The following ZNF853 variants were observed in gnomAD, a reference collection of about 807,000 sequenced individuals.
ZNF853 encodes zinc finger protein 853.
A neutral mutation model predicts 94.7 loss-of-function variants in ZNF853; 57 were observed. The observed-to-expected ratio is 0.60, with a 90% CI of 0.49 to 0.75. ZNF853 has a LOEUF of 0.75. Among genes scored for constraint, ZNF853 ranks in the 30% least tolerant of loss-of-function variants. The pLI is 0.00. For missense variants in ZNF853, 785 were observed against 868.9 expected, an observed-to-expected ratio of 0.90 and a Z score of 1.21; for synonymous variants, 448 against 406.3, an observed-to-expected ratio of 1.10 and a Z score of -1.23.
In ZNF853 at chr7:6,615,952, C is replaced by T. The variant is rs972437701; in HGVS notation, c.-223C>T. 2.2e-5 allele frequency: 10 copies of T among 451,636 alleles called. No homozygotes were observed. The Admixed American group carries it at 2.5e-4, about 11-fold the overall frequency. 28.0% of individuals were successfully genotyped at this position (451,636 alleles called of 1,614,324 possible). A position where few individuals can be genotyped will look rare whatever the true frequency, so the allele number is the denominator to read the frequency against. On this transcript the variant is annotated 5_prime_UTR_variant, in exon 1 of 3. Coordinates refer to ENST00000457543, the MANE Select transcript of ZNF853 (RefSeq NM_017560.3). This position sits in a 1 kb window ranked among gnomAD's most constrained non-coding sequence, Gnocchi z 8.5. ...CGGAGAGTCTCCACCAACTTCTGCTCGGCCGCTCCTCTCAGCCCCTTCCCT... is the reference window on the plus strand; with the variant it reads ...CGGAGAGTCTCCACCAACTTCTGCTTGGCCGCTCCTCTCAGCCCCTTCCCT...
intron 2 of ZNF853, among the ~76,000 whole-genome samples, chr7:6,619,561 C>T: frequency 3.3e-4 from 50 of 152,182 alleles, no homozygotes; most frequent in African/African-American, 1.1e-3. Flanking sequence ...TGAGCCACCG[C>T]GCCCGGCCAT....
chr7:6,622,084 C>T lies in ZNF853; in HGVS notation c.1093C>T (p.Leu365=), dbSNP rs755154641. The part of the protein sequence containing the change: ...RQLQLKLQEE[L]QQLEQQLEQQ... ...GCTGCAGCTCAAACTGCAGGAGGAG[C>T]TGCAGCAGCTGGAGCAACAGCTGGA... is the stretch of plus-strand genomic sequence containing the variant. The change falls in exon 3 of 3, where the codon CTG becomes TTG. Residue 365 remains leucine, a synonymous_variant. Coordinates refer to ENST00000457543, the MANE Select transcript of ZNF853 (RefSeq NM_017560.3). 1 of 1,546,712 alleles carries T rather than the reference C, an allele frequency of 6.5e-7. No individual in the cohort carries two copies. The highest frequency in any genetic ancestry group is 1.2e-5 in the South Asian group (1 of 83,952).
intron 2 of ZNF853, among the ~76,000 whole-genome samples, chr7:6,620,238 T>C: frequency 6.6e-6 from 1 of 152,228 alleles, no homozygotes; most frequent in Non-Finnish European, 1.5e-5. Context: ...TTTGGGAAAC[T>C]ACTTGTGGTA....
Position 6,616,488 on chromosome 7 carries a change from C to T in ZNF853, c.12+302C>T. 1.6e-4 allele frequency among the ~76,000 whole-genome samples: 25 copies of T among 152,294 alleles called. 1 individual carries two copies. The highest frequency in any genetic ancestry group is 1.6e-3 in the Admixed American group (24 of 15,298). ...GGCGCAGTGGCTCACTCCTATAATC[C>T]CAACACTTTAGGAGGCCGAGGCAGG... On this transcript the variant is annotated intron_variant, in intron 1 of 2. Transcript: ENST00000457543.
intron 2 of ZNF853, among the ~76,000 whole-genome samples, chr7:6,620,819 G>C: frequency 1.3e-5 from 2 of 152,170 alleles, no homozygotes; most frequent in Non-Finnish European, 2.9e-5. Flanking sequence ...TCGCCATGTT[G>C]CCCAGGCTGG....
In ZNF853 at chr7:6,621,761, A is replaced by T; in HGVS notation, c.770A>T (p.Gln257Leu). ...QGQLQQQLLQ[Q>L]QQAQLQQQLL... ...CAGTTACAGCAGCAACTGTTGCAGC[A>T]GCAGCAGGCACAGTTACAACAGCAG... The change falls in exon 3 of 3, where the codon CAG becomes CTG. Residue 257 changes from glutamine (Q) to leucine (L), a missense_variant. Physicochemically the swap from Gln to Leu is moderately radical, Grantham distance 113 (BLOSUM62 -2). Transcript: ENST00000457543. 6.4e-7 allele frequency: 1 copy of T among 1,550,594 alleles called. No homozygotes were observed. Among genetic ancestry groups the T allele is most frequent in the Non-Finnish European group, 8.7e-7 (1 of 1,146,898 alleles).
Position 6,622,178 on chromosome 7 carries a change from A to G in ZNF853, c.1187A>G (p.Gln396Arg). ...LELTPVELGA[Q>R]QQEVQLELTP... ...CTGACCCCGGTGGAGCTAGGCGCCCAGCAGCAGGAGGTGCAGCTGGAGCTG... is the reference window on the plus strand; with the variant it reads ...CTGACCCCGGTGGAGCTAGGCGCCCGGCAGCAGGAGGTGCAGCTGGAGCTG... Residue 396 changes from glutamine to arginine, a missense_variant, in exon 3 of 3, where the codon CAG becomes CGG. Gln to Arg is a conservative substitution (Grantham distance 43). Transcript: ENST00000457543. The G allele has an allele frequency of 6.5e-7, 1 of 1,541,034 alleles. No individual in the cohort carries two copies. The highest frequency in any genetic ancestry group is 8.7e-7 in the Non-Finnish European group (1 of 1,146,600).
chr7:6,619,863 A>G, intron 2 of ZNF853, among the ~76,000 whole-genome samples: 1 of 151,784 alleles, frequency 6.6e-6, no homozygotes, highest in Non-Finnish European at 1.5e-5. Flanking sequence ...AGGGCCTCCC[A>G]GGTTTATGCC....
At position 6,617,299 on chromosome 7, in the gene ZNF853, C is replaced by T. The variant is rs1204372907; in HGVS notation, c.122C>T (p.Thr41Ile). The T allele has an allele frequency of 1.3e-6, 2 of 1,483,186 alleles. No homozygotes were observed. Among genetic ancestry groups the T allele is most frequent in the Non-Finnish European group, 1.8e-6 (2 of 1,109,932 alleles). 91.9% of individuals were successfully genotyped at this position (1,483,186 alleles called of 1,614,324 possible). Residue 41 changes from threonine to isoleucine, a missense_variant, in exon 2 of 3, where the codon ACC becomes ATC. Thr to Ile is a moderately conservative substitution (Grantham distance 89). Coordinates refer to ENST00000457543, the MANE Select transcript of ZNF853 (RefSeq NM_017560.3). ...GAGGATGGGGGCCCAGGGCCTGACA[C>T]CCTCTCAGGTGAGGGCCTCGGGGGA... ...CLEDGGPGPD[T>I]LSGGSGGSES...
rs1562570477 is a variant in ZNF853, at chr7:6,622,271, CG to C, written c.1285del (p.Ala429LeufsTer41). 9 of 1,505,096 alleles carry C rather than the reference CG, an allele frequency of 6.0e-6. No homozygotes were observed. Among genetic ancestry groups the C allele is most frequent in the Non-Finnish European group, 8.8e-7 (1 of 1,133,118 alleles). The allele number at this position is 1,505,096 out of a possible 1,614,324, so 93.2% of individuals were successfully genotyped here. A position where few individuals can be genotyped will look rare whatever the true frequency, so the allele number is the denominator to read the frequency against. On this transcript the variant is annotated frameshift_variant, in exon 3 of 3. Transcript: ENST00000457543. LOFTEE classifies it high-confidence loss of function. ...GCAGGGGGCGGCGGAGCGGCGGTCC[CG>C]GGGGCTCCGGCCGCGGTCGTGGTGG... The part of the protein sequence containing the change: ...PAAGGGGAAV[P>X]GAPAAVVVAP...
At chr7:6,616,650 G>A in intron 1 of ZNF853, among the ~76,000 whole-genome samples, 2 of 151,918 alleles carry the variant, frequency 1.3e-5, no homozygotes, top group East Asian at 1.9e-4. Flanking sequence ...CAGGAGAATC[G>A]CTTGAACTGG....
rs1034080989 is a variant in ZNF853, at chr7:6,615,620, C to G, written c.-555C>G. On this transcript the variant is annotated 5_prime_UTR_variant, in exon 1 of 3. Coordinates refer to ENST00000457543, the MANE Select transcript of ZNF853 (RefSeq NM_017560.3). This position sits in a 1 kb window ranked among gnomAD's most constrained non-coding sequence, Gnocchi z 8.5. ...GGCCCCCGCGCCCCCGCCCCCGGCCCGGCCAGCGGCCCGCACGGACGCACT... is the reference window on the plus strand; with the variant it reads ...GGCCCCCGCGCCCCCGCCCCCGGCCGGGCCAGCGGCCCGCACGGACGCACT... 1 of 145,442 alleles carries G rather than the reference C, an allele frequency of 6.9e-6. No individual in the cohort carries two copies. The highest frequency in any genetic ancestry group is 2.0e-4 in the South Asian group (1 of 5,032). The allele number at this position is 145,442 out of a possible 1,614,324, so 9.0% of individuals were successfully genotyped here. A position where few individuals can be genotyped will look rare whatever the true frequency, so the allele number is the denominator to read the frequency against.
intron 2 of ZNF853, 105 bp from the exon 3 acceptor site, chr7:6,621,017 T>G: frequency 7.3e-7 from 1 of 1,360,916 alleles, no homozygotes; most frequent in Non-Finnish European, 9.7e-7. Context: ...GCTAAGAGCG[T>G]GTTAGTGTAT....
At chr7:6,617,942 G>A in intron 2 of ZNF853, among the ~76,000 whole-genome samples, 7 of 152,090 alleles carry the variant, frequency 4.6e-5, no homozygotes, top group South Asian at 2.1e-4. Context: ...GGGGCAGGGC[G>A]GGACAGAGCT....
chr7:6,621,012 G>A, intron 2 of ZNF853, 110 bp from the exon 3 acceptor site: 2 of 1,347,414 alleles, frequency 1.5e-6, no homozygotes. Flanking sequence ...CTCCTGCTAA[G>A]AGCGTGTTAG....
In ZNF853 at chr7:6,622,545, C is replaced by T. The variant is rs769375674; in HGVS notation, c.1554C>T (p.Cys518=). ...TGERPHRCGE[C]GKGFSQHSNL... ...AGCGGCCACACCGCTGCGGCGAGTG[C>T]GGCAAGGGCTTCTCGCAGCACTCGA... The change falls in exon 3 of 3, where the codon TGC becomes TGT. Residue 518 remains cysteine (C), a synonymous_variant. Coordinates refer to ENST00000457543, the MANE Select transcript of ZNF853 (RefSeq NM_017560.3). 7.6e-5 allele frequency: 118 copies of T among 1,552,206 alleles called. No individual in the cohort carries two copies. The highest frequency in any genetic ancestry group is 9.8e-5 in the Non-Finnish European group (112 of 1,148,656).
chr7:6,617,391 C>CACAG, intron 2 of ZNF853, 84 bp downstream of exon 2: 1 of 1,091,230 alleles, frequency 9.2e-7, no homozygotes, highest in Non-Finnish European at 1.2e-6. Flanking sequence ...GGGCAGCCTG[C>CACAG]ACAGACTCAC....
Position 6,621,205 on chromosome 7 carries a change from C to G in ZNF853, c.214C>G (p.Pro72Ala). 1 of 1,529,414 alleles carries G rather than the reference C, an allele frequency of 6.5e-7. No homozygotes were observed. Among genetic ancestry groups the G allele is most frequent in the South Asian group, 1.3e-5 (1 of 79,846 alleles). 94.7% of individuals were successfully genotyped at this position (1,529,414 alleles called of 1,614,324 possible). A position where few individuals can be genotyped will look rare whatever the true frequency, so the allele number is the denominator to read the frequency against. ...SSPQRPAVSA[P>A]VGASEIAEET... ...TCCACAGCGGCCAGCAGTCTCGGCC[C>G]CAGTGGGGGCCAGTGAAATCGCTGA... is the stretch of plus-strand genomic sequence containing the variant. The change falls in exon 3 of 3, where the codon CCA becomes GCA. Residue 72 changes from proline to alanine, a missense_variant. Physicochemically the swap from Pro to Ala is conservative, Grantham distance 27. Coordinates refer to ENST00000457543, the MANE Select transcript of ZNF853 (RefSeq NM_017560.3).
Position 6,617,231 on chromosome 7 carries a change from G to T in ZNF853, c.54G>T (p.Val18=). ...GNRGLTARME[V]GPATETFVLE... is the part of the protein sequence containing the mutation. The stretch of plus-strand genomic sequence containing the variant: ...GGGGTCTGACCGCCAGGATGGAAGT[G>T]GGGCCAGCCACCGAGACCTTCGTGC... Residue 18 remains valine, a synonymous_variant, in exon 2 of 3, where the codon GTG becomes GTT. Transcript: ENST00000457543. The T allele has an allele frequency of 6.5e-7, 1 of 1,531,580 alleles. No homozygotes were observed. The allele number at this position is 1,531,580 out of a possible 1,614,324, so 94.9% of individuals were successfully genotyped here.
Sources: gnomAD v4.1 joint callset for allele counts (sites outside exome capture counted in the v4.1 genomes callset) on GRCh38, gnomAD v4.1.1 for gene constraint, Gnocchi (gnomAD v3.1) non-coding constraint, MANE v1.5 for transcripts, NCBI Gene and HGNC (gene_info 2026-07-23, HGNC 2026-07-21) for gene names.